COL6A5: variants seen among roughly 807,000 people sequenced by gnomAD.
COL6A5 encodes the protein collagen alpha-5(VI) chain.
Under a neutral mutation model 65.6 loss-of-function variants are expected in COL6A5, and 48 were observed. The observed-to-expected ratio is 0.73, with a 90% confidence interval of 0.58 to 0.93. The LOEUF is 0.93. Ranked by LOEUF, COL6A5 falls within the 40% of genes least tolerant of loss-of-function variation. The pLI is 0.00. For synonymous variants in COL6A5, 291 were observed against 322.8 expected (o/e 0.90, Z 1.05); for missense variants, 914 against 928.3 (o/e 0.98, Z 0.20).
chr3:130,427,148 A>T (rs900434756), upstream of COL6A5, among the ~76,000 whole-genome samples: 29 of 152,204 alleles, frequency 1.9e-4, no homozygotes, highest in Non-Finnish European at 3.8e-4. Flanking sequence ...TGAAAAATAC[A>T]GGCATTAAAT....
exon 19 of COL6A5, chr3:130,410,062 A>G: frequency 6.5e-7 from 1 of 1,547,444 alleles, no homozygotes. Flanking sequence ...CCAAAGGAGA[A>G]CAAGGAAGAC....
intron 1 of COL6A5, among the ~76,000 whole-genome samples, chr3:130,349,777 A>G (rs187074225): frequency 6.6e-6 from 1 of 152,348 alleles, no homozygotes. Context: ...GCTGCAAGTA[A>G]TAGCAGACTC....
chr3:130,476,681 TAGAC>T (rs1246082658), intron 7 of COL6A5, among the ~76,000 whole-genome samples: 42 of 152,178 alleles, frequency 2.8e-4, no homozygotes, highest in African/African-American at 1.4e-4. Context: ...TCATTCCTGT[TAGAC>T]AGCTTTAGAT....
At chr3:130,396,271 C>G (rs529247163) in intron 8 of COL6A5, among the ~76,000 whole-genome samples, 13 of 152,288 alleles carry the variant, frequency 8.5e-5, no homozygotes, top group Admixed American at 8.5e-4. Flanking sequence ...AGAGTTCTTA[C>G]GTTTCTAGAG....
intron 1 of COL6A5, among the ~76,000 whole-genome samples, chr3:130,433,647 C>G (rs1937913329): frequency 6.6e-6 from 1 of 152,150 alleles, no homozygotes. Flanking sequence ...CAAGTCCTCA[C>G]TGCTTCAAAT....
rs553758826 is a variant in COL6A5 at position 130,431,867 on chromosome 3, C to G, written c.407C>G (p.Thr136Arg). The stretch of plus-strand genomic sequence containing the variant: ...ACAGCCAGTAGGTCATCCATCATCA[C>G]GGCCACCATGGAGTTTAGTGCCCTG... The change falls in exon 1 of 8, where the codon ACG (threonine) becomes AGG (arginine). Residue 136 changes from threonine to arginine, a missense_variant. Thr to Arg is a moderately conservative substitution (Grantham distance 71, BLOSUM62 -1). Coordinates refer to ENST00000512836, the Ensembl canonical transcript of COL6A5. The G allele has an allele frequency of 3.9e-4, 603 of 1,551,618 alleles. 9 individuals are homozygous for G. The South Asian group carries it at 6.8e-3, about 17-fold the overall frequency.
intron 10 of COL6A5, among the ~76,000 whole-genome samples, chr3:130,400,714 C>A (rs1243541351): frequency 6.6e-6 from 1 of 152,218 alleles, no homozygotes; most frequent in Non-Finnish European, 1.5e-5. Context: ...CCAAGAATTG[C>A]ATGAAAATTG....
chr3:130,358,606 A>G (rs1001885280), intron 1 of COL6A5, among the ~76,000 whole-genome samples: 3 of 152,250 alleles, frequency 2.0e-5, no homozygotes, highest in Non-Finnish European at 4.4e-5. Flanking sequence ...ACTAGTAATT[A>G]TAGAAATGCA....
intron 7 of COL6A5, among the ~76,000 whole-genome samples, chr3:130,472,830 T>TAC (rs1224548905): frequency 3.3e-5 from 3 of 91,624 alleles, no homozygotes; most frequent in African/African-American, 1.3e-4. Flanking sequence ...TGTGTGTGTA[T>TAC]ACATATATAT....
intron 1 of COL6A5, among the ~76,000 whole-genome samples, chr3:130,360,795 A>G (rs770597579): frequency 1.3e-5 from 2 of 152,058 alleles, no homozygotes; most frequent in Non-Finnish European, 2.9e-5. Context: ...AACAAAGTCA[A>G]CCCTTTTGAG....
In COL6A5 at chr3:130,443,644, T is replaced by C. The variant is rs1709240127; in HGVS notation, c.1332+78T>C. On this transcript the variant is annotated intron_variant, in intron 4 of 7. Transcript: ENST00000512836. ...GTATAACTGGTTAATAACACTTTAT[T>C]AGGCTGATGATGCTAACAAGGTCTC... 4 of 845,836 alleles carry C rather than the reference T, an allele frequency of 4.7e-6. No individual in the cohort carries two copies. In the South Asian group the frequency reaches 4.7e-5, roughly 10 times the overall value. The allele number at this position is 845,836 out of a possible 1,614,324, so 52.4% of individuals were successfully genotyped here.
intron 5 of COL6A5, among the ~76,000 whole-genome samples, chr3:130,458,262 C>T (rs543776544): frequency 2.0e-5 from 3 of 152,238 alleles, no homozygotes; most frequent in Non-Finnish European, 4.4e-5. Context: ...TCATTATAAG[C>T]ACAGATTCCT....
At chr3:130,391,737 G>A in exon 7 of COL6A5, 1 of 1,548,818 alleles carries the variant, frequency 6.5e-7, no homozygotes, top group Non-Finnish European at 8.7e-7. Context: ...GAACGTATGT[G>A]TACTGAAGCA....
intron 4 of COL6A5, among the ~76,000 whole-genome samples, chr3:130,444,190 T>C (rs544506892): frequency 2.3e-4 from 35 of 152,322 alleles, no homozygotes; most frequent in Non-Finnish European, 3.5e-4. Context: ...GCTGTTGTCC[T>C]GTTCTTTTTT....
At chr3:130,421,327 C>T in exon 27 of COL6A5, 1 of 1,550,590 alleles carries the variant, frequency 6.4e-7, no homozygotes. Flanking sequence ...AATTATAGGG[C>T]CCAAGAGGAT....
At chr3:130,461,201 G>T (rs1250587242) in intron 5 of COL6A5, among the ~76,000 whole-genome samples, 1 of 151,956 alleles carries the variant, frequency 6.6e-6, no homozygotes, top group Non-Finnish European at 1.5e-5. Flanking sequence ...TATATTCTGT[G>T]TGTATAAAAA....
intron 5 of COL6A5, among the ~76,000 whole-genome samples, chr3:130,456,103 T>C (rs944448452): frequency 2.6e-5 from 4 of 152,118 alleles, no homozygotes; most frequent in African/African-American, 9.7e-5. Flanking sequence ...CAAGCGATTC[T>C]CTTTAAAATG....
chr3:130,387,983 G>C (rs970528152), intron 5 of COL6A5, among the ~76,000 whole-genome samples: 1 of 151,438 alleles, frequency 6.6e-6, no homozygotes, highest in African/African-American at 2.4e-5. Context: ...CAATCAGTAG[G>C]CTGTCTACAA....
At chr3:130,421,154 G>A in exon 26 of COL6A5, 2 of 1,550,532 alleles carry the variant, frequency 1.3e-6, no homozygotes, top group Non-Finnish European at 1.7e-6. Flanking sequence ...TTTACACAGG[G>A]AGATTCTGGC....
Sources: allele counts gnomAD v4.1 joint callset (sites outside exome capture counted in the v4.1 genomes callset), GRCh38; gene constraint gnomAD v4.1.1; transcripts MANE v1.5; gene names NCBI Gene and HGNC (gene_info 2026-07-23, HGNC 2026-07-21).